RASGEF1C: variants seen among roughly 807,000 people sequenced by gnomAD.
The protein encoded by RASGEF1C is RasGEF domain family member 1C, also known as ras-GEF domain-containing family member 1C.
Under a neutral mutation model 58.1 loss-of-function variants are expected in RASGEF1C, and 27 were observed. The observed-to-expected ratio is 0.46, with a 90% confidence interval of 0.34 to 0.64. The LOEUF (loss-of-function observed/expected upper bound fraction) is 0.64, where lower values mean the gene tolerates loss of function less well. Among genes scored for constraint, RASGEF1C ranks in the 30% least tolerant of loss-of-function variants. The pLI is 0.01. For synonymous variants in RASGEF1C, 243 were observed against 246.3 expected (o/e 0.99, Z 0.13); for missense variants, 502 against 605.1 (o/e 0.83, Z 1.79).
intron 6 of RASGEF1C, among the ~76,000 whole-genome samples, chr5:180,127,388 C>T (rs1442986399): frequency 6.6e-6 from 1 of 152,244 alleles, no homozygotes; most frequent in African/African-American, 2.4e-5. Flanking sequence ...TGGGTGACCC[C>T]CACGTCCCGC....
intron 4 of RASGEF1C, among the ~76,000 whole-genome samples, chr5:180,130,835 C>T (rs1056294658): frequency 7.9e-5 from 12 of 152,120 alleles, no homozygotes; most frequent in Admixed American, 1.3e-4. Flanking sequence ...GTCATATGGG[C>T]GGCGGTCCGT....
At chr5:180,136,293 A>C (rs2113276427) in intron 4 of RASGEF1C, 85 bp downstream of exon 4, 1 of 1,349,632 alleles carries the variant, frequency 7.4e-7, no homozygotes, top group South Asian at 1.4e-5. Context: ...TGGGGAGATG[A>C]GGGCCCTGGG....
chr5:180,171,781 C>T lies in RASGEF1C; in HGVS notation c.-6-33723G>A, dbSNP rs987370752. Among the ~76,000 whole-genome samples, 2 of 152,354 alleles carry T rather than the reference C, an allele frequency of 1.3e-5. 1 individual carries two copies. The highest frequency in any genetic ancestry group is 4.1e-4 in the South Asian group (2 of 4,830). ...CAAAAATAAATGCTTTGTTTTCTCC[C>T]TGCGGCTTCTGGGAGTCAATTCAAA... is the stretch of plus-strand genomic sequence containing the variant. On this transcript the variant is annotated intron_variant, in intron 1 of 13. Transcript: ENST00000361132.
At chr5:180,113,292 TGGACGGAGGGACCGG>T (rs1765998886) in intron 11 of RASGEF1C, among the ~76,000 whole-genome samples, 1 of 72,784 alleles carries the variant, frequency 1.4e-5, no homozygotes, top group African/African-American at 5.7e-5. Context: ...GGATCCAGGA[TGGACGGAGGGACCGG>T]GGATGGACGG....
At chr5:180,133,202 G>A (rs1766399455) in intron 4 of RASGEF1C, among the ~76,000 whole-genome samples, 1 of 152,154 alleles carries the variant, frequency 6.6e-6, no homozygotes, top group Admixed American at 6.5e-5. Flanking sequence ...CTGCTGCCTA[G>A]CACAGGGTGG....
chr5:180,115,428 C>T (rs1220593532), intron 10 of RASGEF1C: 7 of 337,982 alleles, frequency 2.1e-5, no homozygotes, highest in East Asian at 7.7e-5. Flanking sequence ...TCACGGACCC[C>T]GCCTGTGAAG....
intron 6 of RASGEF1C, among the ~76,000 whole-genome samples, chr5:180,125,697 G>A (rs1490434777): frequency 1.3e-5 from 2 of 151,804 alleles, no homozygotes; most frequent in Non-Finnish European, 2.9e-5. Context: ...CAGGAGAATC[G>A]CTTGAACCCG....
chr5:180,115,172 G>T, intron 10 of RASGEF1C: 1 of 321,850 alleles, frequency 3.1e-6, no homozygotes, highest in Non-Finnish European at 6.3e-6. Flanking sequence ...CTGCTGCCAC[G>T]CCCGGCTAGT....
Position 180,202,323 on chromosome 5 carries a change from TG to T in RASGEF1C, c.-7+6704del, listed in dbSNP as rs377375039. Among the ~76,000 whole-genome samples, 255 of 152,210 alleles carry T rather than the reference TG, an allele frequency of 1.7e-3. 1 individual carries two copies. Among genetic ancestry groups the T allele is most frequent in the African/African-American group, 5.8e-3 (242 of 41,530 alleles). On this transcript the variant is annotated intron_variant, in intron 1 of 13. Coordinates refer to ENST00000361132, the MANE Select transcript of RASGEF1C (RefSeq NM_175062.4). Reference sequence around the variant, plus strand: ...TCTCTGAAGAAAAAAGGTAAAATAATGGTACATAATATTTAACACTATAATC... The same window carrying T: ...TCTCTGAAGAAAAAAGGTAAAATAATGTACATAATATTTAACACTATAATC...
intron 11 of RASGEF1C, among the ~76,000 whole-genome samples, chr5:180,113,995 G>C (rs1561731558): frequency 6.6e-6 from 1 of 152,120 alleles, no homozygotes; most frequent in Admixed American, 6.5e-5. Flanking sequence ...GCTGAGAGTG[G>C]TGAGTGTCTA....
intron 1 of RASGEF1C, among the ~76,000 whole-genome samples, chr5:180,172,772 C>G (rs1581119033): frequency 6.6e-6 from 1 of 152,156 alleles, no homozygotes; most frequent in South Asian, 2.1e-4. Context: ...TGCTCCTCAT[C>G]TCTGTGCCCC....
rs542556927 is a variant in RASGEF1C at position 180,141,700 on chromosome 5, T to G, written c.-6-3642A>C. 2.4e-4 allele frequency among the ~76,000 whole-genome samples: 36 copies of G among 148,668 alleles called. No homozygotes were observed. In the South Asian group the frequency reaches 7.7e-3, roughly 32 times the overall value. ...AAGGGTTAAAATGATACATTTTATG[T>G]TATGTGTATTTTATCACACTTTTTT... is the stretch of plus-strand genomic sequence containing the variant. On this transcript the variant is annotated intron_variant, in intron 1 of 13. Coordinates refer to ENST00000361132, the MANE Select transcript of RASGEF1C (RefSeq NM_175062.4).
chr5:180,127,794 C>G, intron 5 of RASGEF1C, 111 bp from the exon 6 acceptor site: 1 of 944,958 alleles, frequency 1.1e-6, no homozygotes. Flanking sequence ...AACAGTCACT[C>G]TGCAACTGCC....
intron 10 of RASGEF1C, chr5:180,115,261 G>A (rs1005209713): frequency 8.1e-5 from 35 of 431,840 alleles, no homozygotes; most frequent in Non-Finnish European, 1.4e-4. Context: ...TGATCTGCTC[G>A]CCTCGGCCTC....
chr5:180,176,634 G>A (rs1427244702), intron 1 of RASGEF1C, among the ~76,000 whole-genome samples: 1 of 150,224 alleles, frequency 6.7e-6, no homozygotes, highest in Non-Finnish European at 1.5e-5. Context: ...TCGGCTCACT[G>A]CAAGCTCCGC....
At chr5:180,180,481 T>C (rs1299545492) in intron 1 of RASGEF1C, among the ~76,000 whole-genome samples, 1 of 152,228 alleles carries the variant, frequency 6.6e-6, no homozygotes, top group Non-Finnish European at 1.5e-5. Context: ...CTTAACAATT[T>C]GCAGTCTGAC....
intron 1 of RASGEF1C, among the ~76,000 whole-genome samples, chr5:180,145,331 G>C (rs1219786193): frequency 6.6e-6 from 1 of 152,100 alleles, no homozygotes; most frequent in African/African-American, 2.4e-5. Flanking sequence ...ATGTTGGCCA[G>C]GCTGGTCTTA....
Position 180,136,371 on chromosome 5 carries a change from T to A in RASGEF1C, c.438+7A>T. On this transcript the variant is annotated splice_region_variant and intron_variant, in intron 4 of 13. Transcript: ENST00000361132. Reference sequence around the variant, plus strand: ...CAGGGTGACGCGACCCCCGCCCAGCTGCCCACCTCGTCACAGGGGGCGATG... The same window carrying A: ...CAGGGTGACGCGACCCCCGCCCAGCAGCCCACCTCGTCACAGGGGGCGATG... 1 of 1,553,248 alleles carries A rather than the reference T, an allele frequency of 6.4e-7. No homozygotes were observed. The highest frequency in any genetic ancestry group is 1.9e-5 in the Admixed American group (1 of 51,744).
At chr5:180,127,244 C>T (rs1475562458) in intron 6 of RASGEF1C, among the ~76,000 whole-genome samples, 1 of 152,190 alleles carries the variant, frequency 6.6e-6, no homozygotes, top group Admixed American at 6.5e-5. Context: ...CCCACCGAAA[C>T]GCACCGGGAA....
Sources: gnomAD v4.1 joint callset for allele counts (sites outside exome capture counted in the v4.1 genomes callset) on GRCh38, gnomAD v4.1.1 for gene constraint, MANE v1.5 for transcripts, NCBI Gene and HGNC (gene_info 2026-07-23, HGNC 2026-07-21) for gene names.